The following ITGB3BP variants were observed in gnomAD, a reference collection of about 807,000 sequenced individuals.
ITGB3BP encodes centromere protein R.
ITGB3BP carries 27 observed loss-of-function variants against 29.1 expected under a neutral mutation model. The observed-to-expected ratio is 0.93, with a 90% confidence interval of 0.68 to 1.28. The LOEUF is 1.28. Among genes scored for constraint, ITGB3BP ranks in the 50% most tolerant of loss-of-function variants. The probability of loss-of-function intolerance (pLI) is 0.00; values close to 1 mark genes in which losing one functional copy is unlikely to be tolerated. For missense variants in ITGB3BP, 192 were observed against 200.2 expected, an observed-to-expected ratio of 0.96 and a Z score of 0.25; for synonymous variants, 61 against 61.4, an observed-to-expected ratio of 0.99 and a Z score of 0.03.
At chr1:63,486,420 T>C (rs951803945) in intron 3 of ITGB3BP, among the ~76,000 whole-genome samples, 2 of 152,046 alleles carry the variant, frequency 1.3e-5, no homozygotes, top group African/African-American at 4.8e-5. Context: ...AATAGCCTAC[T>C]GTTGACCAGA....
At chr1:63,496,730 C>G (rs1452567094) in intron 2 of ITGB3BP, among the ~76,000 whole-genome samples, 2 of 152,184 alleles carry the variant, frequency 1.3e-5, no homozygotes, top group Non-Finnish European at 2.9e-5. Flanking sequence ...ACTGCAATGT[C>G]TTCTTAAAGC....
intron 3 of ITGB3BP, among the ~76,000 whole-genome samples, chr1:63,487,494 T>C (rs944094466): frequency 2.0e-5 from 3 of 152,138 alleles, no homozygotes; most frequent in Admixed American, 6.5e-5. Context: ...GGTGATCTCA[T>C]TGTTGTGCAA....
intron 4 of ITGB3BP, among the ~76,000 whole-genome samples, chr1:63,455,467 T>TG (rs1644920045): frequency 6.6e-6 from 1 of 151,832 alleles, no homozygotes; most frequent in African/African-American, 2.4e-5. Context: ...TATAAAGAAA[T>TG]GGGGTTTACC....
At chr1:63,467,550 A>AT (rs1645120433) in intron 4 of ITGB3BP, among the ~76,000 whole-genome samples, 1 of 136,218 alleles carries the variant, frequency 7.3e-6, no homozygotes, top group Non-Finnish European at 1.7e-5. Flanking sequence ...GATTGATTGA[A>AT]TGTAGAGATG....
intron 2 of ITGB3BP, among the ~76,000 whole-genome samples, chr1:63,495,765 GATGCTTT>G (rs1645771031): frequency 6.6e-6 from 1 of 152,004 alleles, no homozygotes; most frequent in African/African-American, 2.4e-5. Context: ...CTAGAACCAG[GATGCTTT>G]ATCTTAGGCT....
intron 1 of ITGB3BP, 89 bp downstream of exon 1, chr1:63,523,040 G>A (rs761400588): frequency 6.6e-7 from 1 of 1,514,208 alleles, no homozygotes. Flanking sequence ...GAAAAAATAG[G>A]AAAACGAGAA....
At chr1:63,514,663 T>C (rs931867850) in intron 1 of ITGB3BP, among the ~76,000 whole-genome samples, 3 of 152,150 alleles carry the variant, frequency 2.0e-5, no homozygotes, top group African/African-American at 7.2e-5. Flanking sequence ...ATTTACTTTT[T>C]TTGGCTGGGC....
intron 1 of ITGB3BP, 27 bp from the exon 2 acceptor site, chr1:63,508,597 T>G (rs1310015826): frequency 4.5e-6 from 5 of 1,111,914 alleles, no homozygotes; most frequent in Non-Finnish European, 6.4e-6. Context: ...TAAAGAAATT[T>G]TAGATTTGAC....
At chr1:63,500,798 T>C (rs1645908814) in intron 2 of ITGB3BP, among the ~76,000 whole-genome samples, 1 of 152,108 alleles carries the variant, frequency 6.6e-6, no homozygotes, top group Admixed American at 6.5e-5. Flanking sequence ...AAAATTCATA[T>C]GGAATTACAA....
intron 3 of ITGB3BP, among the ~76,000 whole-genome samples, chr1:63,479,177 T>C (rs1343449188): frequency 2.0e-5 from 3 of 152,190 alleles, no homozygotes; most frequent in Non-Finnish European, 4.4e-5. Flanking sequence ...TGATATCATA[T>C]AAAGGCTTCC....
chr1:63,482,853 C>T (rs1645464125), intron 3 of ITGB3BP, among the ~76,000 whole-genome samples: 1 of 151,974 alleles, frequency 6.6e-6, no homozygotes, highest in Admixed American at 6.6e-5. Context: ...TGGGTTTTGC[C>T]ATGTTGGCCA....
chr1:63,444,913 CTG>C (rs1369706982), intron 8 of ITGB3BP, among the ~76,000 whole-genome samples: 2 of 152,022 alleles, frequency 1.3e-5, no homozygotes, highest in Non-Finnish European at 2.9e-5. Context: ...AAAGTAATAA[CTG>C]TATTTGCCTC....
chr1:63,502,507 G>C (rs111371061), intron 2 of ITGB3BP, among the ~76,000 whole-genome samples: 1,285 of 99,388 alleles, frequency 0.013, 15 homozygotes, highest in African/African-American at 0.044. Context: ...GAGGCAAAAG[G>C]CACTTCTTTT....
At chr1:63,448,241 A>G (rs2100478100) in intron 7 of ITGB3BP, among the ~76,000 whole-genome samples, 1 of 149,534 alleles carries the variant, frequency 6.7e-6, no homozygotes, top group South Asian at 2.2e-4. Flanking sequence ...ATGACGAGTT[A>G]ATGGGTGCAG....
chr1:63,460,520 A>G (rs988040391), intron 4 of ITGB3BP, among the ~76,000 whole-genome samples: 1 of 152,204 alleles, frequency 6.6e-6, no homozygotes, highest in Non-Finnish European at 1.5e-5. Context: ...CTGCATGTAC[A>G]TACCACACTT....
At chr1:63,494,880 G>A (rs2100701611) in intron 2 of ITGB3BP, among the ~76,000 whole-genome samples, 1 of 152,276 alleles carries the variant, frequency 6.6e-6, no homozygotes, top group South Asian at 2.1e-4. Flanking sequence ...ACAGCTCACT[G>A]CAGCCTTGAA....
chr1:63,502,180 T>TA (rs1413612505), intron 2 of ITGB3BP, among the ~76,000 whole-genome samples: 1 of 152,146 alleles, frequency 6.6e-6, no homozygotes, highest in Non-Finnish European at 1.5e-5. Context: ...CCTGAAAATC[T>TA]ACCTAGGAAC....
intron 2 of ITGB3BP, among the ~76,000 whole-genome samples, chr1:63,494,328 AGGTT>A (rs1464357274): frequency 2.0e-5 from 3 of 152,200 alleles, no homozygotes; most frequent in Non-Finnish European, 4.4e-5. Flanking sequence ...TATGTTCACC[AGGTT>A]GGTCTCCAAC....
chr1:63,528,067 C>T (rs1255236761), upstream of ITGB3BP: 1 of 152,196 alleles, frequency 6.6e-6, no homozygotes, highest in Non-Finnish European at 1.5e-5. Context: ...ATCTAGCATC[C>T]TACTGCTTGG....
Sources: allele counts gnomAD v4.1 joint callset (sites outside exome capture counted in the v4.1 genomes callset), GRCh38; gene constraint gnomAD v4.1.1; transcripts MANE v1.5; gene names NCBI Gene and HGNC (gene_info 2026-07-23, HGNC 2026-07-21).